THADA: variants seen among roughly 807,000 people sequenced by gnomAD.
The protein encoded by THADA is tRNA (32-2'-O)-methyltransferase regulator THADA.
In THADA, 213 loss-of-function variants were observed where a neutral mutation model predicts 219.8. The observed-to-expected ratio is 0.97, with a 90% CI of 0.87 to 1.09. The LOEUF is 1.09. Ranked by LOEUF, THADA falls within the 50% of genes least tolerant of loss-of-function variation. The pLI is 0.00. For synonymous variants in THADA, 1,018 were observed against 828.9 expected (o/e 1.23, Z -3.92); for missense variants, 2,956 against 2,311.3 (o/e 1.28, Z -5.72).
intron 24 of THADA, among the ~76,000 whole-genome samples, chr2:43,501,295 A>G (rs2105069513): frequency 7.1e-6 from 1 of 140,086 alleles, no homozygotes; most frequent in African/African-American, 2.7e-5. Context: ...AACAAAAGCG[A>G]AACTCCAACT....
intron 31 of THADA, among the ~76,000 whole-genome samples, chr2:43,299,997 C>T (rs1399994229): frequency 7.5e-6 from 1 of 132,616 alleles, no homozygotes; most frequent in African/African-American, 2.9e-5. Context: ...CACTGCACTA[C>T]AGCCTGTACA....
chr2:43,328,123 T>C (rs1679543241), intron 30 of THADA, among the ~76,000 whole-genome samples: 2 of 152,362 alleles, frequency 1.3e-5, no homozygotes, highest in South Asian at 2.1e-4. Context: ...ATTTTTACCA[T>C]GGCCCCCAGC....
In THADA at chr2:43,590,940, C is replaced by T; in HGVS notation, c.186G>A (p.Leu62=). The part of the protein sequence containing the change: ...IHYIKQIVPL[L]EKADKNGMCD... ...ACATGCCATTTTTATCTGCTTTCTCCAGCAGAGGCACAATCTATAATACAA... is the reference window on the plus strand; with the variant it reads ...ACATGCCATTTTTATCTGCTTTCTCTAGCAGAGGCACAATCTATAATACAA... The change falls in exon 4 of 38, where the codon CTG becomes CTA. Residue 62 remains leucine, a synonymous_variant. Transcript: ENST00000405975. 3 of 1,612,502 alleles carry T rather than the reference C, an allele frequency of 1.9e-6. No individual in the cohort carries two copies. The highest frequency in any genetic ancestry group is 2.5e-6 in the Non-Finnish European group (3 of 1,179,046).
At chr2:43,269,636 G>T (rs80134296) in intron 36 of THADA, among the ~76,000 whole-genome samples, 2,817 of 152,330 alleles carry the variant, frequency 0.018, 50 homozygotes, top group Middle Eastern at 0.034. Context: ...ACTGCAGCTG[G>T]CAGGAATGGG....
intron 7 of THADA, among the ~76,000 whole-genome samples, chr2:43,582,346 A>G (rs1159366022): frequency 6.6e-6 from 1 of 151,808 alleles, no homozygotes; most frequent in Non-Finnish European, 1.5e-5. Flanking sequence ...AAAATACAAA[A>G]ATTAGCCAGG....
chr2:43,428,037 G>C (rs1678716100), intron 28 of THADA, 63 bp downstream of exon 28: 3 of 1,219,786 alleles, frequency 2.5e-6, no homozygotes, highest in Admixed American at 5.4e-5. Flanking sequence ...ATAAGAAGAA[G>C]ATAAAATATT....
intron 28 of THADA, among the ~76,000 whole-genome samples, chr2:43,410,414 G>A (rs1376915377): frequency 6.6e-6 from 1 of 152,190 alleles, no homozygotes; most frequent in African/African-American, 2.4e-5. Flanking sequence ...GAAAGCCTAA[G>A]TCCAAAAGGA....
In THADA at chr2:43,592,000, A is replaced by T. The variant is rs17031095; in HGVS notation, c.123T>A (p.His41Gln). The T allele has an allele frequency of 2.2e-5, 35 of 1,563,368 alleles. No individual in the cohort carries two copies. Among genetic ancestry groups the T allele is most frequent in the Non-Finnish European group, 8.7e-7 (1 of 1,152,400 alleles). ...ACACTCCATCCGTGAGTTGCACACA[A>T]TGTAACAGCAAAGAAGCTAGATTTT... is the stretch of plus-strand genomic sequence containing the variant. ...EGKNLASLLL[H>Q]CVQLTDGVSQ... is the part of the protein sequence containing the mutation. The change falls in exon 3 of 38, where the codon CAT (histidine) becomes CAA (glutamine). Residue 41 changes from histidine to glutamine, a missense_variant. By Grantham distance (24) the His-to-Gln change is conservative (BLOSUM62 0). Coordinates refer to ENST00000405975, the MANE Select transcript of THADA (RefSeq NM_022065.5).
intron 29 of THADA, among the ~76,000 whole-genome samples, chr2:43,345,826 G>C (rs1667573996): frequency 6.6e-6 from 1 of 152,172 alleles, no homozygotes. Context: ...AAAGAAACCT[G>C]TGAGATTTTC....
At chr2:43,515,464 TAGA>T (rs1691610593) in intron 22 of THADA, among the ~76,000 whole-genome samples, 1 of 133,182 alleles carries the variant, frequency 7.5e-6, no homozygotes, top group South Asian at 2.2e-4. Flanking sequence ...ATTCGTGACT[TAGA>T]AGATAGTTTT....
At chr2:43,581,248 G>T (rs1700405708) in intron 8 of THADA, among the ~76,000 whole-genome samples, 1 of 152,064 alleles carries the variant, frequency 6.6e-6, no homozygotes, top group Non-Finnish European at 1.5e-5. Context: ...CAGTCACCCA[G>T]GCTGGGCACA....
intron 31 of THADA, among the ~76,000 whole-genome samples, chr2:43,315,824 C>A (rs1393522428): frequency 6.6e-6 from 1 of 152,184 alleles, no homozygotes; most frequent in Non-Finnish European, 1.5e-5. Context: ...CCTAAAAATC[C>A]TGTAAGGATG....
intron 28 of THADA, among the ~76,000 whole-genome samples, chr2:43,414,608 C>G (rs565820523): frequency 5.9e-5 from 9 of 152,276 alleles, no homozygotes; most frequent in Admixed American, 2.6e-4. Flanking sequence ...TATTCCTTGA[C>G]CTTTGGGATT....
chr2:43,562,736 T>C (rs1010337099), intron 15 of THADA: 1 of 152,232 alleles, frequency 6.6e-6, no homozygotes, highest in Non-Finnish European at 1.5e-5. Context: ...TCTGTGAGCC[T>C]TTTGAATACT....
intron 26 of THADA, among the ~76,000 whole-genome samples, chr2:43,484,843 T>C (rs1380762208): frequency 6.6e-6 from 1 of 151,696 alleles, no homozygotes. Flanking sequence ...CATAAACATT[T>C]AAACTTCCAC....
intron 15 of THADA, chr2:43,562,604 AG>A (rs1316075595): frequency 1.3e-5 from 2 of 152,098 alleles, no homozygotes; most frequent in Admixed American, 6.6e-5. Flanking sequence ...TTATAAAATG[AG>A]GTAGGAGGTG....
At chr2:43,386,533 C>G (rs1276973729) in intron 29 of THADA, among the ~76,000 whole-genome samples, 2 of 152,130 alleles carry the variant, frequency 1.3e-5, no homozygotes, top group Non-Finnish European at 2.9e-5. Flanking sequence ...AGATTTACTA[C>G]TGACTTTCTA....
At chr2:43,588,130 T>C (rs933525011) in intron 4 of THADA, among the ~76,000 whole-genome samples, 2 of 152,254 alleles carry the variant, frequency 1.3e-5, no homozygotes, top group Admixed American at 6.5e-5. Context: ...CATGTATATA[T>C]GTGAACATAT....
At chr2:43,565,413 C>T (rs1307932375) in intron 15 of THADA, 1 of 132,022 alleles carries the variant, frequency 7.6e-6, no homozygotes, top group Non-Finnish European at 1.5e-5. Context: ...GCCTGGGCAA[C>T]AGAGCGAGAC....
Sources: allele counts gnomAD v4.1 joint callset (sites outside exome capture counted in the v4.1 genomes callset), GRCh38; gene constraint gnomAD v4.1.1; transcripts MANE v1.5; gene names NCBI Gene and HGNC (gene_info 2026-07-23, HGNC 2026-07-21).